The following WWOX variants were observed in gnomAD, a reference collection of about 807,000 sequenced individuals.
WWOX encodes the protein WW domain-containing oxidoreductase.
A neutral mutation model predicts 46.2 loss-of-function variants in WWOX; 69 were observed. The ratio of observed to expected loss-of-function variants is 1.49; its 90% CI spans 1.23 to 1.82. The LOEUF is 1.82. WWOX is among the 40% of genes most tolerant of loss of function. The pLI is 0.00. For missense variants in WWOX, 919 were observed against 542.6 expected (o/e 1.69, Z -6.89); for synonymous variants, 359 against 202.6 (o/e 1.77, Z -6.56).
chr16:78,161,473 G>T (rs56407156), intron 4 of WWOX, among the ~76,000 whole-genome samples: 39,948 of 149,890 alleles, frequency 0.27, 5,326 homozygotes, highest in South Asian at 0.35. Context: ...TTGAGACAGG[G>T]CCTTGCTCTG....
intron 8 of WWOX, among the ~76,000 whole-genome samples, chr16:78,613,169 C>A (rs753099811): frequency 6.6e-6 from 1 of 152,150 alleles, no homozygotes; most frequent in Non-Finnish European, 1.5e-5. Flanking sequence ...CCCTCCATGC[C>A]TTTTGATGCT....
intron 8 of WWOX, among the ~76,000 whole-genome samples, chr16:78,729,942 C>T (rs949563866): frequency 6.6e-6 from 1 of 152,110 alleles, no homozygotes; most frequent in African/African-American, 2.4e-5. Context: ...AATGCCAGAT[C>T]CAGAGCAATC....
At chr16:78,286,755 C>A (rs767680582) in intron 5 of WWOX, among the ~76,000 whole-genome samples, 14 of 152,084 alleles carry the variant, frequency 9.2e-5, no homozygotes, top group Non-Finnish European at 1.9e-4. Context: ...ATTATGTACC[C>A]TATACCTATT....
chr16:78,127,569 A>C (rs573053587), intron 4 of WWOX, among the ~76,000 whole-genome samples: 3 of 151,926 alleles, frequency 2.0e-5, no homozygotes, highest in Non-Finnish European at 4.4e-5. Context: ...TCAAGGAACA[A>C]AAAGGGATAT....
At chr16:78,578,254 T>TTATACATATATATATATATATATA (rs1555567047) in intron 8 of WWOX, among the ~76,000 whole-genome samples, 1 of 31,630 alleles carries the variant, frequency 3.2e-5, no homozygotes, top group Non-Finnish European at 6.0e-5. Context: ...ATACCAAATT[T>TTATACATATATATATATATATATA]TATATATATA....
At chr16:78,499,287 T>C (rs1013699095) in intron 8 of WWOX, among the ~76,000 whole-genome samples, 4 of 152,178 alleles carry the variant, frequency 2.6e-5, no homozygotes, top group African/African-American at 9.7e-5. Flanking sequence ...CTTATGTGTG[T>C]GGCCTTGCTT....
At chr16:78,766,875 C>A (rs772467416) in intron 8 of WWOX, among the ~76,000 whole-genome samples, 2 of 151,976 alleles carry the variant, frequency 1.3e-5, no homozygotes, top group Non-Finnish European at 1.5e-5. Flanking sequence ...GTTGTGTAAC[C>A]ATCAGCATTA....
chr16:79,190,270 C>G (rs2051108077), intron 8 of WWOX, among the ~76,000 whole-genome samples: 1 of 152,144 alleles, frequency 6.6e-6, no homozygotes, highest in Non-Finnish European at 1.5e-5. Context: ...AGTGATCTGC[C>G]TGCCTCAGCC....
At chr16:78,367,180 C>G (rs2081554991) in intron 5 of WWOX, among the ~76,000 whole-genome samples, 1 of 151,864 alleles carries the variant, frequency 6.6e-6, no homozygotes, top group African/African-American at 2.4e-5. Flanking sequence ...AGGGTTTCAC[C>G]ATGTTAGCCA....
chr16:79,084,965 T>A (rs1259429872), intron 8 of WWOX, among the ~76,000 whole-genome samples: 1 of 151,878 alleles, frequency 6.6e-6, no homozygotes, highest in Admixed American at 6.6e-5. Flanking sequence ...GTTGTCTGTC[T>A]CCCAGGCTGG....
intron 8 of WWOX, among the ~76,000 whole-genome samples, chr16:78,488,720 G>T (rs1478822792): frequency 6.6e-6 from 1 of 152,078 alleles, no homozygotes; most frequent in Non-Finnish European, 1.5e-5. Flanking sequence ...TTTCTTTATG[G>T]GCCATTAGGA....
chr16:78,386,476 G>T (rs2151933751), intron 5 of WWOX, among the ~76,000 whole-genome samples: 1 of 152,288 alleles, frequency 6.6e-6, no homozygotes, highest in Admixed American at 6.5e-5. Context: ...TTGAAATTAA[G>T]ATATTGTCCA....
intron 5 of WWOX, among the ~76,000 whole-genome samples, chr16:78,178,881 A>G (rs1597315520): frequency 6.8e-6 from 1 of 147,726 alleles, no homozygotes; most frequent in Admixed American, 6.7e-5. Context: ...AAAAAAAAGT[A>G]ATCATTTTAG....
At chr16:78,324,201 T>C (rs1434549061) in intron 5 of WWOX, among the ~76,000 whole-genome samples, 2 of 152,112 alleles carry the variant, frequency 1.3e-5, no homozygotes, top group African/African-American at 2.4e-5. Context: ...TGAGGTTTTC[T>C]GTTGGCAGTG....
chr16:79,134,510 C>G (rs2049944905), intron 8 of WWOX, among the ~76,000 whole-genome samples: 1 of 152,116 alleles, frequency 6.6e-6, no homozygotes, highest in Non-Finnish European at 1.5e-5. Flanking sequence ...GTTTGTTGTT[C>G]TTCCCTACCC....
In WWOX at chr16:78,305,513, C is replaced by G. The variant is rs1046941648; in HGVS notation, c.517-81347C>G. ...TTTGGAATCTTTCCCCCTGAGTTCC[C>G]TCTGGAAGTTAAAGCCCAGATCCCG... On this transcript the variant is annotated intron_variant, in intron 5 of 8. Transcript: ENST00000566780. Among the ~76,000 whole-genome samples, 8 of 152,232 alleles carry G rather than the reference C, an allele frequency of 5.3e-5. No individual in the cohort carries two copies. In the East Asian group the frequency reaches 1.5e-3, roughly 29 times the overall value.
chr16:78,641,748 C>T (rs1024529536), intron 8 of WWOX, among the ~76,000 whole-genome samples: 28 of 152,090 alleles, frequency 1.8e-4, no homozygotes, highest in African/African-American at 4.6e-4. Context: ...TAGCAAAAGA[C>T]GAAGACTAAT....
chr16:78,681,375 G>C (rs918991045), intron 8 of WWOX, among the ~76,000 whole-genome samples: 1 of 152,174 alleles, frequency 6.6e-6, no homozygotes, highest in East Asian at 1.9e-4. Context: ...CTATACATCA[G>C]TCTGGGTGAC....
chr16:78,874,745 G>T (rs1037333709), intron 8 of WWOX, among the ~76,000 whole-genome samples: 1 of 115,840 alleles, frequency 8.6e-6, no homozygotes, highest in East Asian at 2.9e-4. Context: ...ATCACAGGTT[G>T]CCAGAACATC....
Sources: allele counts gnomAD v4.1 joint callset (sites outside exome capture counted in the v4.1 genomes callset), GRCh38; gene constraint gnomAD v4.1.1; transcripts MANE v1.5; gene names NCBI Gene and HGNC (gene_info 2026-07-23, HGNC 2026-07-21).